The following GABRG3 variants were observed in gnomAD, a reference collection of about 807,000 sequenced individuals.
GABRG3 encodes gamma-aminobutyric acid type A receptor subunit gamma3.
Under a neutral mutation model 48.8 loss-of-function variants are expected in GABRG3, and 25 were observed. The observed-to-expected ratio is 0.51, with a 90% CI of 0.37 to 0.72. GABRG3 has a LOEUF of 0.72. Ranked by LOEUF, GABRG3 falls within the 30% of genes least tolerant of loss-of-function variation. The pLI is 0.00. For missense variants in GABRG3, 394 were observed against 577.9 expected (o/e 0.68, Z 3.26); for synonymous variants, 227 against 217.6 (o/e 1.04, Z -0.38).
At chr15:27,141,924 G>C (rs376018208) in intron 3 of GABRG3, among the ~76,000 whole-genome samples, 2 of 152,110 alleles carry the variant, frequency 1.3e-5, no homozygotes, top group East Asian at 3.9e-4. Context: ...ATTGCTTTCT[G>C]TCTTCATGTA....
In GABRG3 at chr15:27,308,337, CAT is replaced by C. The variant is rs1488492836; in HGVS notation, c.271-18470_271-18469del. 1.9e-3 allele frequency among the ~76,000 whole-genome samples: 245 copies of C among 131,274 alleles called. 7 individuals are homozygous for C. Among genetic ancestry groups the C allele is most frequent in the African/African-American group, 5.5e-3 (199 of 36,018 alleles). 86.1% of individuals were successfully genotyped at this position (131,274 alleles called of 152,430 possible). On this transcript the variant is annotated intron_variant, in intron 3 of 9. Transcript: ENST00000615808. Reference sequence around the variant, plus strand: ...ATATAAACATACGTTTATATATAAACATAATATAAACATACGTTTATATATAA... The same window carrying C: ...ATATAAACATACGTTTATATATAAACAATATAAACATACGTTTATATATAA...
chr15:27,484,546 G>A (rs1206166246), intron 6 of GABRG3, among the ~76,000 whole-genome samples: 1 of 152,140 alleles, frequency 6.6e-6, no homozygotes, highest in Non-Finnish European at 1.5e-5. Flanking sequence ...AGAAGTCCTA[G>A]GAGCAACAAC....
chr15:27,271,986 C>A (rs1051228817), intron 3 of GABRG3, among the ~76,000 whole-genome samples: 9 of 152,288 alleles, frequency 5.9e-5, no homozygotes, highest in South Asian at 2.1e-4. Context: ...CTCTGACTCT[C>A]CTTGAGGGGA....
At chr15:27,403,942 C>A (rs909516048) in intron 5 of GABRG3, among the ~76,000 whole-genome samples, 17 of 133,418 alleles carry the variant, frequency 1.3e-4, no homozygotes, top group East Asian at 4.6e-4. Context: ...AAAAAAAAAA[C>A]CGGGCTTGGT....
At chr15:27,409,144 G>A (rs1887723547) in intron 5 of GABRG3, among the ~76,000 whole-genome samples, 1 of 151,618 alleles carries the variant, frequency 6.6e-6, no homozygotes, top group South Asian at 2.1e-4. Flanking sequence ...TTTCTTTAAT[G>A]GGTCTTGCTT....
chr15:27,312,225 G>A (rs1400211941), intron 3 of GABRG3, among the ~76,000 whole-genome samples: 5 of 152,072 alleles, frequency 3.3e-5, no homozygotes, highest in Admixed American at 6.6e-5. Flanking sequence ...CAGTGAACAT[G>A]AAGACAGGTC....
chr15:27,184,915 C>T (rs918396200), intron 3 of GABRG3, among the ~76,000 whole-genome samples: 6 of 151,930 alleles, frequency 3.9e-5, no homozygotes, highest in East Asian at 1.9e-4. Context: ...TGGCAATTTG[C>T]GTCTTATTTT....
intron 6 of GABRG3, among the ~76,000 whole-genome samples, chr15:27,506,444 G>A (rs1890762528): frequency 6.6e-6 from 1 of 152,174 alleles, no homozygotes; most frequent in Admixed American, 6.5e-5. Flanking sequence ...ATATGGAAAG[G>A]AAAGGGGGAG....
At chr15:27,391,868 T>C (rs1887143370) in intron 5 of GABRG3, among the ~76,000 whole-genome samples, 1 of 152,180 alleles carries the variant, frequency 6.6e-6, no homozygotes, top group Admixed American at 6.5e-5. Flanking sequence ...TCAATCAGCA[T>C]GAACTTAGGA....
At chr15:27,151,918 A>T (rs1490327092) in intron 3 of GABRG3, among the ~76,000 whole-genome samples, 1 of 152,138 alleles carries the variant, frequency 6.6e-6, no homozygotes, top group African/African-American at 2.4e-5. Context: ...TTTGTTGGAT[A>T]TGTGGTTTGC....
chr15:27,344,591 A>G (rs887413018), intron 5 of GABRG3, among the ~76,000 whole-genome samples: 3 of 152,228 alleles, frequency 2.0e-5, no homozygotes, highest in Admixed American at 6.5e-5. Flanking sequence ...TGATCATTGT[A>G]TCAAATTCTA....
chr15:27,511,929 C>T (rs1890905077), intron 6 of GABRG3, among the ~76,000 whole-genome samples: 1 of 152,142 alleles, frequency 6.6e-6, no homozygotes, highest in Non-Finnish European at 1.5e-5. Context: ...GAGGAACGTT[C>T]TAGCAACTAG....
At chr15:27,264,445 C>T (rs141478333) in intron 3 of GABRG3, among the ~76,000 whole-genome samples, 46 of 152,028 alleles carry the variant, frequency 3.0e-4, no homozygotes, top group East Asian at 2.9e-3. Context: ...CTACTAATGT[C>T]CCTACATTTA....
At chr15:27,327,170 C>A in intron 4 of GABRG3, 141 bp downstream of exon 4, 2 of 718,902 alleles carry the variant, frequency 2.8e-6, no homozygotes, top group Non-Finnish European at 4.6e-6. Context: ...CTGAGAAAGT[C>A]TGCCCTCATG....
chr15:27,351,222 A>G (rs1457071212), intron 5 of GABRG3, among the ~76,000 whole-genome samples: 2 of 128,332 alleles, frequency 1.6e-5, no homozygotes, highest in African/African-American at 3.1e-5. Flanking sequence ...TTGTGCGTGT[A>G]TGGTGTGTGT....
At chr15:27,105,472 A>G (rs1800812466) in intron 3 of GABRG3, among the ~76,000 whole-genome samples, 1 of 152,222 alleles carries the variant, frequency 6.6e-6, no homozygotes, top group South Asian at 2.1e-4. Context: ...AAGGGCTTAT[A>G]GAATGTTCAT....
intron 3 of GABRG3, among the ~76,000 whole-genome samples, chr15:27,308,336 A>G (rs1402061365): frequency 7.4e-6 from 1 of 134,884 alleles, no homozygotes; most frequent in Non-Finnish European, 1.6e-5. Flanking sequence ...TTATATATAA[A>G]CATAATATAA....
chr15:27,049,316 G>A (rs4078843), intron 3 of GABRG3, among the ~76,000 whole-genome samples: 43,858 of 152,162 alleles, frequency 0.29, 6,453 homozygotes, highest in Middle Eastern at 0.4. Flanking sequence ...GACTACAGTC[G>A]CACAAATCAG....
intron 3 of GABRG3, chr15:27,280,442 T>A (rs920633627): frequency 6.6e-6 from 1 of 151,950 alleles, no homozygotes; most frequent in Non-Finnish European, 1.5e-5. Context: ...TAGAATCTTG[T>A]TTTTTAGTGT....
Sources: allele counts gnomAD v4.1 joint callset (sites outside exome capture counted in the v4.1 genomes callset), GRCh38; gene constraint gnomAD v4.1.1; transcripts MANE v1.5; gene names NCBI Gene and HGNC (gene_info 2026-07-23, HGNC 2026-07-21).